Variants in MICAL2 observed in about 807,000 individuals in gnomAD.
MICAL2 encodes the protein [F-actin]-monooxygenase MICAL2.
Under a neutral mutation model 127.3 loss-of-function variants are expected in MICAL2, and 77 were observed. The ratio of observed to expected loss-of-function variants is 0.60; its 90% CI spans 0.50 to 0.73. The LOEUF (loss-of-function observed/expected upper bound fraction) is 0.73, where lower values mean the gene tolerates loss of function less well. Among genes scored for constraint, MICAL2 ranks in the 30% least tolerant of loss-of-function variants. The pLI is 0.00. For synonymous variants in MICAL2, 570 were observed against 551.1 expected, an observed-to-expected ratio of 1.03 and a Z score of -0.48; for missense variants, 1,351 against 1,434.4, an observed-to-expected ratio of 0.94 and a Z score of 0.94.
At chr11:12,213,526 T>G in intron 7 of MICAL2, 116 bp downstream of exon 7, 2 of 1,000,774 alleles carry the variant, frequency 2.0e-6, no homozygotes, top group Non-Finnish European at 2.9e-6. Flanking sequence ...CTCACTCTGA[T>G]AGAGTGGAAG....
At chr11:12,181,131 A>T (rs1054482502) in intron 3 of MICAL2, among the ~76,000 whole-genome samples, 1 of 152,024 alleles carries the variant, frequency 6.6e-6, no homozygotes, top group Non-Finnish European at 1.5e-5. Context: ...TTTAGTAGAG[A>T]CAGGGTTTTG....
intron 32 of MICAL2, among the ~76,000 whole-genome samples, chr11:12,333,576 G>GA (rs1199848138): frequency 1.3e-5 from 2 of 151,884 alleles, no homozygotes; most frequent in Admixed American, 6.6e-5. Flanking sequence ...TGGAAAGAAA[G>GA]AAAAAAAATT....
chr11:12,328,311 C>T (rs1864377204), intron 32 of MICAL2, among the ~76,000 whole-genome samples: 3 of 152,092 alleles, frequency 2.0e-5, no homozygotes, highest in Admixed American at 6.5e-5. Flanking sequence ...GTCATAGGAA[C>T]AAGCATTAGG....
At chr11:12,295,923 C>A (rs1410053963), downstream of MICAL2, among the ~76,000 whole-genome samples, 2 of 151,950 alleles carry the variant, frequency 1.3e-5, no homozygotes, top group Admixed American at 6.6e-5. Context: ...ATGTTTTTCC[C>A]TTTAAACTCC....
At chr11:12,260,399 G>A (rs1862943770) in intron 26 of MICAL2, 2 of 1,257,990 alleles carry the variant, frequency 1.6e-6, no homozygotes, top group Non-Finnish European at 1.0e-6. Flanking sequence ...ATAGCTTTGT[G>A]AGCCATACTT....
intron 15 of MICAL2, among the ~76,000 whole-genome samples, chr11:12,228,635 A>G (rs772846317): frequency 1.6e-4 from 24 of 152,194 alleles, no homozygotes; most frequent in Non-Finnish European, 2.9e-4. Flanking sequence ...CCAGGAAAGA[A>G]GATGGGAAGG....
intron 15 of MICAL2, among the ~76,000 whole-genome samples, chr11:12,233,697 CGGAAGAGCT>C (rs1191540656): frequency 2.0e-5 from 3 of 151,940 alleles, no homozygotes; most frequent in Non-Finnish European, 4.4e-5. Context: ...ATTCTTAGGG[CGGAAGAGCT>C]GGAAACATTA....
At chr11:12,223,268 G>A in intron 11 of MICAL2, 143 bp from the exon 12 acceptor site, 2 of 660,454 alleles carry the variant, frequency 3.0e-6, no homozygotes, top group Non-Finnish European at 5.3e-6. Context: ...GAAGTTGCCT[G>A]CGTTCCCTTG....
intron 32 of MICAL2, among the ~76,000 whole-genome samples, chr11:12,344,120 A>C (rs2134887248): frequency 6.6e-6 from 1 of 152,176 alleles, no homozygotes; most frequent in African/African-American, 2.4e-5. Flanking sequence ...ACATAGCGAA[A>C]CCCCATCTCT....
chr11:12,328,909 G>C (rs1413925939), intron 32 of MICAL2, among the ~76,000 whole-genome samples: 1 of 152,114 alleles, frequency 6.6e-6, no homozygotes. Flanking sequence ...AACCTTGCAA[G>C]GACCCATCCA....
At chr11:12,271,267 G>A (rs1476807360), upstream of MICAL2, among the ~76,000 whole-genome samples, 1 of 152,188 alleles carries the variant, frequency 6.6e-6, no homozygotes, top group Non-Finnish European at 1.5e-5. Flanking sequence ...CTCCTCTCCT[G>A]TCATCCTCCA....
chr11:12,304,991 C>T (rs1477309269), intron 29 of MICAL2, among the ~76,000 whole-genome samples: 1 of 152,132 alleles, frequency 6.6e-6, no homozygotes, highest in Non-Finnish European at 1.5e-5. Context: ...TGTATTGAAT[C>T]TATAGATAAA....
At chr11:12,342,298 T>C (rs1002577972) in intron 32 of MICAL2, among the ~76,000 whole-genome samples, 2 of 152,210 alleles carry the variant, frequency 1.3e-5, no homozygotes, top group Admixed American at 1.3e-4. Context: ...TGGGACCAGA[T>C]GGAGATGTGG....
At chr11:12,214,289 A>C (rs560514901) in intron 7 of MICAL2, among the ~76,000 whole-genome samples, 1 of 152,362 alleles carries the variant, frequency 6.6e-6, no homozygotes, top group East Asian at 1.9e-4. Flanking sequence ...ATGTTAAATA[A>C]AATCTGTATA....
At chr11:12,241,954 G>A (rs1860026764) in intron 18 of MICAL2, among the ~76,000 whole-genome samples, 1 of 152,092 alleles carries the variant, frequency 6.6e-6, no homozygotes, top group South Asian at 2.1e-4. Flanking sequence ...TCAGTATGCA[G>A]CTAGGATTGA....
chr11:12,200,923 C>T (rs866520981), intron 3 of MICAL2, among the ~76,000 whole-genome samples: 1 of 152,104 alleles, frequency 6.6e-6, no homozygotes, highest in Non-Finnish European at 1.5e-5. Context: ...TCTCTTCACC[C>T]CACATCCTTC....
intron 30 of MICAL2, among the ~76,000 whole-genome samples, chr11:12,323,044 T>C (rs2134845146): frequency 6.6e-6 from 1 of 152,288 alleles, no homozygotes; most frequent in South Asian, 2.1e-4. Flanking sequence ...TTTGCCTGTC[T>C]TGTGGGCCCA....
intron 3 of MICAL2, 71 bp downstream of exon 3, chr11:12,162,490 T>C (rs991039018): frequency 1.2e-4 from 196 of 1,571,732 alleles, no homozygotes; most frequent in Middle Eastern, 1.7e-4. Flanking sequence ...TAGGAAGCTG[T>C]TGCCATTTTG....
intron 3 of MICAL2, among the ~76,000 whole-genome samples, chr11:12,189,567 A>C (rs10831755): frequency 1.3e-5 from 2 of 152,002 alleles, no homozygotes; most frequent in African/African-American, 4.8e-5. Flanking sequence ...TTTAAATTAC[A>C]TATTCCCTAA....
Sources: allele counts gnomAD v4.1 joint callset (sites outside exome capture counted in the v4.1 genomes callset), GRCh38; gene constraint gnomAD v4.1.1; transcripts MANE v1.5; gene names NCBI Gene and HGNC (gene_info 2026-07-23, HGNC 2026-07-21).